The following ARL15 variants were observed in gnomAD, a reference collection of about 807,000 sequenced individuals.
ARL15 encodes the protein ADP-ribosylation factor-like protein 15.
A neutral mutation model predicts 25.2 loss-of-function variants in ARL15; 19 were observed. That is an observed-to-expected ratio of 0.75 (90% CI 0.53 to 1.10). The LOEUF (loss-of-function observed/expected upper bound fraction) is 1.10. Among genes scored for constraint, ARL15 ranks in the 50% least tolerant of loss-of-function variants. ARL15 has a pLI of 0.00. For synonymous variants in ARL15, 94 were observed against 86.8 expected, an observed-to-expected ratio of 1.08 and a Z score of -0.46; for missense variants, 220 against 246.0, an observed-to-expected ratio of 0.89 and a Z score of 0.71.
chr5:53,978,740 C>CAT (rs1748028109), intron 4 of ARL15, among the ~76,000 whole-genome samples: 1 of 151,426 alleles, frequency 6.6e-6, no homozygotes, highest in Non-Finnish European at 1.5e-5. Flanking sequence ...TATACACACA[C>CAT]ATATATATTT....
intron 4 of ARL15, among the ~76,000 whole-genome samples, chr5:54,039,830 G>C (rs947333313): frequency 3.9e-5 from 5 of 127,818 alleles, no homozygotes; most frequent in Admixed American, 7.7e-5. Flanking sequence ...AAAAAAACAA[G>C]GCAAATAAAT....
intron 2 of ARL15, among the ~76,000 whole-genome samples, chr5:54,157,573 A>G (rs1234602555): frequency 1.3e-5 from 2 of 151,820 alleles, no homozygotes; most frequent in Non-Finnish European, 1.5e-5. Context: ...CACCACGCCC[A>G]GCTAATGTTT....
intron 3 of ARL15, among the ~76,000 whole-genome samples, chr5:54,133,150 CTT>C (rs1379959872): frequency 6.6e-6 from 1 of 152,110 alleles, no homozygotes; most frequent in East Asian, 1.9e-4. Flanking sequence ...CAAACATAAA[CTT>C]TTAAAAGAAA....
chr5:54,005,874 C>CAAAA (rs1233563294), intron 4 of ARL15, among the ~76,000 whole-genome samples: 31 of 77,742 alleles, frequency 4.0e-4, no homozygotes, highest in East Asian at 1.9e-3. Context: ...AAAAAAAAAA[C>CAAAA]CAAAAAAACC....
At chr5:54,141,583 T>C (rs1753783144) in intron 3 of ARL15, among the ~76,000 whole-genome samples, 1 of 152,228 alleles carries the variant, frequency 6.6e-6, no homozygotes, top group African/African-American at 2.4e-5. Context: ...ATTTAACATG[T>C]ACAATTTGAC....
chr5:54,049,360 T>G (rs542833654), intron 4 of ARL15, among the ~76,000 whole-genome samples: 2 of 150,980 alleles, frequency 1.3e-5, no homozygotes, highest in Non-Finnish European at 3.0e-5. Flanking sequence ...AGCCTCCCAG[T>G]AAGTCCCTCA....
In ARL15 at chr5:53,886,470, CA is replaced by C; in HGVS notation, c.*90del. The C allele has an allele frequency of 2.2e-6, 3 of 1,375,142 alleles. No homozygotes were observed. The East Asian group carries it at 7.5e-5, about 35-fold the overall frequency. 85.2% of individuals were successfully genotyped at this position (1,375,142 alleles called of 1,614,324 possible). A position where few individuals can be genotyped will look rare whatever the true frequency, so the allele number is the denominator to read the frequency against. On this transcript the variant is annotated 3_prime_UTR_variant, in exon 5 of 5. Transcript: ENST00000504924. ...ACCAGAGGAAAATAGATACTGAAGC[CA>C]ATATAGTCTTGATACCAAAATAAAA...
intron 4 of ARL15, among the ~76,000 whole-genome samples, chr5:53,975,837 A>G (rs927053892): frequency 2.0e-5 from 3 of 152,206 alleles, no homozygotes; most frequent in East Asian, 3.9e-4. Flanking sequence ...ACATCAGTAC[A>G]GCTGCTTGGC....
At chr5:53,929,664 A>G (rs1045833108) in intron 4 of ARL15, among the ~76,000 whole-genome samples, 1 of 152,240 alleles carries the variant, frequency 6.6e-6, no homozygotes, top group African/African-American at 2.4e-5. Context: ...TATTTCATGC[A>G]TGGCAGTGTT....
chr5:54,234,413 G>A (rs1247974430), intron 1 of ARL15, among the ~76,000 whole-genome samples: 3 of 152,102 alleles, frequency 2.0e-5, no homozygotes, highest in African/African-American at 7.2e-5. Flanking sequence ...TATCAATGGT[G>A]TAAAGGGGTC....
intron 3 of ARL15, among the ~76,000 whole-genome samples, chr5:54,146,209 AAAAAAAC>A (rs969976521): frequency 6.6e-6 from 1 of 152,162 alleles, no homozygotes; most frequent in African/African-American, 2.4e-5. Flanking sequence ...ACTGTACAAA[AAAAAAAC>A]AAAAAACAAT....
Position 54,018,766 on chromosome 5 carries a change from T to C in ARL15, c.462+94436A>G, listed in dbSNP as rs543663128. On this transcript the variant is annotated intron_variant, in intron 4 of 4. Transcript: ENST00000504924. ...CTCCCCTCACCATCCCCCAAGTCTG[T>C]CATCCCTTCACAGCTAAACAAACCG... 6.6e-5 allele frequency among the ~76,000 whole-genome samples: 10 copies of C among 152,284 alleles called. No individual in the cohort carries two copies. In the South Asian group the frequency reaches 1.9e-3, roughly 28 times the overall value.
At chr5:54,041,857 T>A (rs755398900) in intron 4 of ARL15, among the ~76,000 whole-genome samples, 1 of 152,204 alleles carries the variant, frequency 6.6e-6, no homozygotes, top group Non-Finnish European at 1.5e-5. Flanking sequence ...ATTTGAGGGC[T>A]ATGTAGCTAT....
intron 1 of ARL15, among the ~76,000 whole-genome samples, chr5:54,281,393 C>G (rs552508225): frequency 6.6e-6 from 1 of 152,322 alleles, no homozygotes; most frequent in Admixed American, 6.5e-5. Flanking sequence ...GCCTTAAGTG[C>G]TGGGATTACA....
Position 54,268,520 on chromosome 5 carries a change from T to A in ARL15, c.48+41912A>T, listed in dbSNP as rs1370089924. On this transcript the variant is annotated intron_variant, in intron 1 of 4. Coordinates refer to ENST00000504924, the MANE Select transcript of ARL15 (RefSeq NM_019087.3). Reference sequence around the variant, plus strand: ...TTCCATTGCTGGTGAGGAATTGCGTTCCTTTGGAGGAGGAGAGGCGCTCTG... The same window carrying A: ...TTCCATTGCTGGTGAGGAATTGCGTACCTTTGGAGGAGGAGAGGCGCTCTG... 9.9e-5 allele frequency among the ~76,000 whole-genome samples: 15 copies of A among 152,230 alleles called. 1 individual carries two copies. Among genetic ancestry groups the A allele is most frequent in the Non-Finnish European group, 2.9e-5 (2 of 68,044 alleles).
At chr5:54,208,054 C>T (rs1265609253) in intron 1 of ARL15, among the ~76,000 whole-genome samples, 2 of 152,182 alleles carry the variant, frequency 1.3e-5, no homozygotes, top group Non-Finnish European at 2.9e-5. Context: ...TCCCCCACCA[C>T]TGAGGCCCAG....
chr5:54,297,388 A>C lies in ARL15; in HGVS notation c.48+13044T>G, dbSNP rs182814249. Among the ~76,000 whole-genome samples, 343 of 152,346 alleles carry C rather than the reference A, an allele frequency of 2.3e-3. 3 individuals are homozygous for C. Among genetic ancestry groups the C allele is most frequent in the African/African-American group, 7.6e-3 (317 of 41,578 alleles). ...CCCAGGCCAAGGCCTTTCCAACAGG[A>C]CTGAAATCTGGTTGCAGGCAGTTGT... On this transcript the variant is annotated intron_variant, in intron 1 of 4. Coordinates refer to ENST00000504924, the MANE Select transcript of ARL15 (RefSeq NM_019087.3).
At chr5:54,278,071 C>T (rs768787359) in intron 1 of ARL15, among the ~76,000 whole-genome samples, 1 of 152,192 alleles carries the variant, frequency 6.6e-6, no homozygotes, top group Non-Finnish European at 1.5e-5. Context: ...TCACTAGAAG[C>T]TAAAATTATC....
chr5:54,264,726 T>G (rs986377735), intron 1 of ARL15, among the ~76,000 whole-genome samples: 1 of 152,080 alleles, frequency 6.6e-6, no homozygotes, highest in African/African-American at 2.4e-5. Flanking sequence ...TCCCTACATA[T>G]CCACATGGCT....
Sources: allele counts gnomAD v4.1 joint callset (sites outside exome capture counted in the v4.1 genomes callset), GRCh38; gene constraint gnomAD v4.1.1; transcripts MANE v1.5; gene names NCBI Gene and HGNC (gene_info 2026-07-23, HGNC 2026-07-21).